TECRL: variants seen among roughly 807,000 people sequenced by gnomAD.
The protein encoded by TECRL is trans-2,3-enoyl-CoA reductase-like.
TECRL carries 63 observed loss-of-function variants against 52.8 expected under a neutral mutation model. The ratio of observed to expected loss-of-function variants is 1.19; its 90% CI spans 0.97 to 1.47. The LOEUF (loss-of-function observed/expected upper bound fraction) is 1.47, where lower values mean the gene tolerates loss of function less well. TECRL is among the 40% of genes most tolerant of loss of function. TECRL has a pLI of 0.00. For missense variants in TECRL, 482 were observed against 429.6 expected (o/e 1.12, Z -1.08); for synonymous variants, 164 against 141.9 (o/e 1.16, Z -1.10).
intron 1 of TECRL, among the ~76,000 whole-genome samples, chr4:64,407,493 G>C (rs1724811055): frequency 6.6e-6 from 1 of 151,750 alleles, no homozygotes. Flanking sequence ...GCATGTGTGT[G>C]TGTGTGTGTG....
chr4:64,298,363 A>G (rs944942469), intron 8 of TECRL, among the ~76,000 whole-genome samples: 2 of 151,174 alleles, frequency 1.3e-5, no homozygotes, highest in African/African-American at 4.8e-5. Flanking sequence ...TAACAAAGTG[A>G]TATGTGAAGA....
At position 64,375,826 on chromosome 4, in the gene TECRL, T is replaced by TA. The variant is rs1390337369; in HGVS notation, c.235-604dup. Among the ~76,000 whole-genome samples, 3 of 151,926 alleles carry TA rather than the reference T, an allele frequency of 2.0e-5. No individual in the cohort carries two copies. The East Asian group carries it at 5.8e-4, about 29-fold the overall frequency. ...AATTACTAAAACAAACTCTATAAAT[T>TA]AAAAAATGAATAAAATATTTTTTAT... On this transcript the variant is annotated intron_variant, in intron 1 of 11. Coordinates refer to ENST00000381210, the MANE Select transcript of TECRL (RefSeq NM_001010874.5).
chr4:64,401,534 C>G (rs1394667427), intron 1 of TECRL, among the ~76,000 whole-genome samples: 1 of 152,280 alleles, frequency 6.6e-6, no homozygotes, highest in Admixed American at 6.5e-5. Flanking sequence ...TTTCCCTAGA[C>G]TTCTCAGTAT....
chr4:64,281,766 T>G (rs1269845237), intron 9 of TECRL, among the ~76,000 whole-genome samples: 2 of 151,958 alleles, frequency 1.3e-5, no homozygotes, highest in East Asian at 3.8e-4. Context: ...AGCTGTCATT[T>G]TCATACCATG....
chr4:64,302,506 T>A (rs916345610), intron 7 of TECRL, among the ~76,000 whole-genome samples: 1 of 151,524 alleles, frequency 6.6e-6, no homozygotes, highest in Non-Finnish European at 1.5e-5. Context: ...TAATTATGTA[T>A]GTTGAAGGAG....
Position 64,360,547 on chromosome 4 carries a change from G to A in TECRL, c.286+14625C>T, listed in dbSNP as rs529394862. Among the ~76,000 whole-genome samples, 17 of 152,190 alleles carry A rather than the reference G, an allele frequency of 1.1e-4. No individual in the cohort carries two copies. In the East Asian group the frequency reaches 2.1e-3, roughly 19 times the overall value. ...GAACAGCCAAGATGGCTGACTAGAC[G>A]GAGTCAGGAAGAACTTCTCTCACCA... On this transcript the variant is annotated intron_variant, in intron 2 of 11. Coordinates refer to ENST00000381210, the MANE Select transcript of TECRL (RefSeq NM_001010874.5).
intron 4 of TECRL, among the ~76,000 whole-genome samples, chr4:64,321,339 T>C (rs939605280): frequency 6.6e-6 from 1 of 152,102 alleles, no homozygotes; most frequent in African/African-American, 2.4e-5. Flanking sequence ...GGTTGTTTAA[T>C]TGTAAAGAAA....
At chr4:64,350,729 C>A (rs1202628942) in intron 2 of TECRL, among the ~76,000 whole-genome samples, 2 of 151,818 alleles carry the variant, frequency 1.3e-5, no homozygotes, top group African/African-American at 4.8e-5. Context: ...ACTCGAACAG[C>A]AATTTTTCCC....
chr4:64,403,473 G>GCA (rs1553923019), intron 1 of TECRL, among the ~76,000 whole-genome samples: 3 of 50,076 alleles, frequency 6.0e-5, no homozygotes, highest in East Asian at 1.4e-3. Context: ...CCCTCCCTGA[G>GCA]CGCACACACA....
At chr4:64,282,462 T>C (rs1011992998) in intron 9 of TECRL, among the ~76,000 whole-genome samples, 5 of 152,064 alleles carry the variant, frequency 3.3e-5, no homozygotes, top group Admixed American at 3.3e-4. Flanking sequence ...CTAAGTATTG[T>C]GCAGATTTTA....
intron 6 of TECRL, among the ~76,000 whole-genome samples, chr4:64,308,652 C>T (rs982813440): frequency 1.3e-5 from 2 of 152,204 alleles, no homozygotes; most frequent in Admixed American, 6.5e-5. Flanking sequence ...GCCCTAATCA[C>T]TGTCTAGTGG....
At chr4:64,346,675 C>G (rs966720038) in intron 2 of TECRL, among the ~76,000 whole-genome samples, 1 of 152,184 alleles carries the variant, frequency 6.6e-6, no homozygotes, top group Non-Finnish European at 1.5e-5. Context: ...TTTTTTCCTC[C>G]TAGGTTTCCA....
chr4:64,288,936 A>G (rs552284305), intron 9 of TECRL, among the ~76,000 whole-genome samples: 1 of 152,276 alleles, frequency 6.6e-6, no homozygotes, highest in East Asian at 1.9e-4. Context: ...CTCATCCACC[A>G]TATTCGCCTG....
In TECRL at chr4:64,294,942, G is replaced by C. The variant is rs574437742; in HGVS notation, c.774+5032C>G. ...TTAATAGATAATGCATATCCACATA[G>C]AATTAAGTGCTTTTGACAATATAAG... On this transcript the variant is annotated intron_variant, in intron 8 of 11. Coordinates refer to ENST00000381210, the MANE Select transcript of TECRL (RefSeq NM_001010874.5). 4.2e-4 allele frequency among the ~76,000 whole-genome samples: 64 copies of C among 151,916 alleles called. 1 individual carries two copies. Among genetic ancestry groups the C allele is most frequent in the South Asian group, 2.5e-3 (12 of 4,826 alleles).
intron 1 of TECRL, among the ~76,000 whole-genome samples, chr4:64,381,380 T>C (rs181027748): frequency 3.3e-5 from 5 of 152,034 alleles, no homozygotes; most frequent in African/African-American, 7.2e-5. Context: ...CCCTTTTTTT[T>C]TTTCTTCTTT....
rs531916723 is a variant in TECRL, at chr4:64,295,839, C to T, written c.774+4135G>A. On this transcript the variant is annotated intron_variant, in intron 8 of 11. Transcript: ENST00000381210. Reference sequence around the variant, plus strand: ...AAATTATAATGAAATGAGTGAAGCACAATATTGCCATTAATTTTATATCTT... The same window carrying T: ...AAATTATAATGAAATGAGTGAAGCATAATATTGCCATTAATTTTATATCTT... 2.6e-5 allele frequency among the ~76,000 whole-genome samples: 4 copies of T among 151,924 alleles called. 1 individual carries two copies. Among genetic ancestry groups the T allele is most frequent in the African/African-American group, 7.2e-5 (3 of 41,506 alleles).
chr4:64,349,755 C>T (rs1016650298), intron 2 of TECRL, among the ~76,000 whole-genome samples: 2 of 152,060 alleles, frequency 1.3e-5, no homozygotes, highest in Non-Finnish European at 2.9e-5. Context: ...AGAGATAATA[C>T]AGGAATTCGA....
intron 9 of TECRL, among the ~76,000 whole-genome samples, chr4:64,285,586 C>T (rs1231367801): frequency 6.6e-6 from 1 of 152,042 alleles, no homozygotes; most frequent in East Asian, 1.9e-4. Context: ...CAGTTTAGAG[C>T]TGACACAGGA....
rs1011546686 is a variant in TECRL at position 64,323,246 on chromosome 4, A to C, written c.332-454T>G. ...CTGTCTCTACAAAAAAACAGAAAAA[A>C]ATTAGCCAGGCATGGTGCTGTGTGC... On this transcript the variant is annotated intron_variant, in intron 3 of 11. Coordinates refer to ENST00000381210, the MANE Select transcript of TECRL (RefSeq NM_001010874.5). Among the ~76,000 whole-genome samples, 5 of 151,848 alleles carry C rather than the reference A, an allele frequency of 3.3e-5. No individual in the cohort carries two copies. In the South Asian group the frequency reaches 1.0e-3, roughly 32 times the overall value.
Sources: allele counts gnomAD v4.1 joint callset (sites outside exome capture counted in the v4.1 genomes callset), GRCh38; gene constraint gnomAD v4.1.1; transcripts MANE v1.5; gene names NCBI Gene and HGNC (gene_info 2026-07-23, HGNC 2026-07-21).